The following GCN1 variants were observed in gnomAD, a reference collection of about 807,000 sequenced individuals.
GCN1 encodes the protein stalled ribosome sensor GCN1.
In GCN1, 90 loss-of-function variants were observed where a neutral mutation model predicts 288.4. That is an observed-to-expected ratio of 0.31 (90% CI 0.26 to 0.37). GCN1 has a LOEUF of 0.37. Ranked by LOEUF, GCN1 falls within the 10% of genes least tolerant of loss-of-function variation. The probability of loss-of-function intolerance (pLI) is 1.00; values close to 1 mark genes in which losing one functional copy is unlikely to be tolerated. For missense variants in GCN1, 2,586 were observed against 3,419.9 expected, an observed-to-expected ratio of 0.76 and a Z score of 6.08; for synonymous variants, 1,386 against 1,420.2, an observed-to-expected ratio of 0.98 and a Z score of 0.54.
At chr12:120,136,791 C>T in intron 50 of GCN1, 59 bp from the exon 51 acceptor site, 1 of 1,283,970 alleles carries the variant, frequency 7.8e-7, no homozygotes, top group Non-Finnish European at 1.1e-6. Context: ...CTGGTGTCTC[C>T]CATGCAAGCA....
Position 120,137,577 on chromosome 12 carries a change from C to T in GCN1, c.6631G>A (p.Glu2211Lys). 6.2e-7 allele frequency: 1 copy of T among 1,614,184 alleles called. No homozygotes were observed. The highest frequency in any genetic ancestry group is 1.3e-5 in the African/African-American group (1 of 75,038). The change falls in exon 49 of 58, where the codon GAG becomes AAG. Residue 2211 changes from glutamate (E) to lysine (K), a missense_variant. Coordinates refer to ENST00000300648, the MANE Select transcript of GCN1 (RefSeq NM_006836.2). This position sits in a 1 kb window ranked among gnomAD's most constrained non-coding sequence, Gnocchi z 5.2. Reference protein sequence around the residue: ...FNDSSPVVLEESWDALNAITK... With the variant: ...FNDSSPVVLEKSWDALNAITK... ...ATGGCATTTAGGGCATCCCAGCTCT[C>T]CTCCAGAACCACAGGGCTGGAGTCA...
intron 2 of GCN1, among the ~76,000 whole-genome samples, chr12:120,185,142 C>G (rs1878781372): frequency 1.3e-5 from 2 of 152,188 alleles, no homozygotes; most frequent in Non-Finnish European, 2.9e-5. Context: ...CACATGCCAT[C>G]AAGAGGAGGT....
chr12:120,187,590 T>C (rs12305184), intron 2 of GCN1, among the ~76,000 whole-genome samples: 31,708 of 151,760 alleles, frequency 0.21, 3,988 homozygotes, highest in East Asian at 0.55. Flanking sequence ...TGCTGGGTTC[T>C]GTGCCCAAAC....
chr12:120,173,071 T>C (rs1168706060), intron 14 of GCN1, among the ~76,000 whole-genome samples: 1 of 151,134 alleles, frequency 6.6e-6, no homozygotes, highest in African/African-American at 2.4e-5. Context: ...TTTTTTTTTT[T>C]TTTTCCAAGA....
chr12:120,127,608 A>G lies in GCN1; in HGVS notation c.*241T>C, dbSNP rs1876658347. ...CTGGACAAACAGCTCCTGGGCTGCC[A>G]TTTGCTGAGGCGCATGCGTGTGCTT... On this transcript the variant is annotated 3_prime_UTR_variant, in exon 58 of 58. Transcript: ENST00000300648. 2.2e-6 allele frequency: 1 copy of G among 460,338 alleles called. No individual in the cohort carries two copies. The highest frequency in any genetic ancestry group is 4.0e-6 in the Non-Finnish European group (1 of 251,766). The allele number at this position is 460,338 out of a possible 1,614,324, so 28.5% of individuals were successfully genotyped here. A position where few individuals can be genotyped will look rare whatever the true frequency, so the allele number is the denominator to read the frequency against.
Position 120,155,423 on chromosome 12 carries a change from A to T in GCN1, c.3448T>A (p.Ser1150Thr). 6.2e-7 allele frequency: 1 copy of T among 1,613,590 alleles called. No individual in the cohort carries two copies. The highest frequency in any genetic ancestry group is 8.5e-7 in the Non-Finnish European group (1 of 1,179,822). Residue 1150 changes from serine to threonine, a missense_variant, in exon 30 of 58, where the codon TCA (serine) becomes ACA (threonine). Ser to Thr is a moderately conservative substitution (Grantham distance 58, BLOSUM62 1). Coordinates refer to ENST00000300648, the MANE Select transcript of GCN1 (RefSeq NM_006836.2). The surrounding 1 kb of genome is among the most constrained non-coding windows in gnomAD (Gnocchi z 4.9). ...GGCTGCAGGTCTAGGCCCATCATTG[A>T]CCAGAGCCTGTGGGAGATCCAAGGC... ...EIRKLAERLW[S>T]MMGLDLQPDL... is the part of the protein sequence containing the mutation.
rs753481090 is a variant in GCN1, at chr12:120,137,700, C to T, written c.6508G>A (p.Ala2170Thr). 3.7e-6 allele frequency: 6 copies of T among 1,614,188 alleles called. No homozygotes were observed. The South Asian group carries it at 6.6e-5, about 18-fold the overall frequency. Reference sequence around the variant, plus strand: ...TAGATGTTGAGGATGATGGCAGCAGCTTGCCTCATGCCCACCTCAGGGCTG... The same window carrying T: ...TAGATGTTGAGGATGATGGCAGCAGTTTGCCTCATGCCCACCTCAGGGCTG... ...TRSPEVGMRQ[A>T]AAIILNIYCS... Residue 2170 changes from alanine to threonine, a missense_variant, in exon 49 of 58, where the codon GCT becomes ACT. Physicochemically the swap from Ala to Thr is moderately conservative, Grantham distance 58. Around this residue, in one of 8 missense-constraint regions of GCN1, gnomAD observed 437 missense variants for 570.5 expected, o/e 0.77. Transcript: ENST00000300648. This position sits in a 1 kb window ranked among gnomAD's most constrained non-coding sequence, Gnocchi z 5.2.
Position 120,168,227 on chromosome 12 carries a change from C to A in GCN1, c.1593G>T (p.Leu531=), listed in dbSNP as rs776436116. ...ACTTACCATCCTCTGAAGCCATGAC[C>A]AGGAATTTCTCAGAAGTGAAAACCT... is the stretch of plus-strand genomic sequence containing the variant. ...KKQVFTSEKF[L]VMASEDALCT... The change falls in exon 16 of 58, where the codon CTG becomes CTT. Residue 531 remains leucine (L), a synonymous_variant. Transcript: ENST00000300648. 2 of 1,587,268 alleles carry A rather than the reference C, an allele frequency of 1.3e-6. No individual in the cohort carries two copies. Among genetic ancestry groups the A allele is most frequent in the African/African-American group, 2.7e-5 (2 of 74,318 alleles).
Position 120,138,397 on chromosome 12 carries a change from C to CT in GCN1, c.6174dup (p.Glu2059ArgfsTer14). On this transcript the variant is annotated frameshift_variant, in exon 47 of 58. Transcript: ENST00000300648. LOFTEE classifies it high-confidence loss of function. ...TGCTTCAGACCATCCAAGGCAAACT[C>CT]TGACACCTCCTCGTCATCCTGCAGA... 6.2e-7 allele frequency: 1 copy of CT among 1,606,898 alleles called. No homozygotes were observed. Among genetic ancestry groups the CT allele is most frequent in the Non-Finnish European group, 8.5e-7 (1 of 1,173,412 alleles).
rs1400148650 is a variant in GCN1, at chr12:120,193,564, C to A, written c.18+1116G>T. Among the ~76,000 whole-genome samples the A allele has an allele frequency of 5.9e-5, 9 of 152,276 alleles. No individual in the cohort carries two copies. The East Asian group carries it at 1.7e-3, about 29-fold the overall frequency. On this transcript the variant is annotated intron_variant, in intron 1 of 57. Coordinates refer to ENST00000300648, the MANE Select transcript of GCN1 (RefSeq NM_006836.2). ...AACTGATCCACCCGCCTTGGCCTCC[C>A]AAAGTGCTGGGATTACAGGGTGAGC...
intron 2 of GCN1, among the ~76,000 whole-genome samples, chr12:120,185,310 T>C (rs905328482): frequency 6.6e-6 from 1 of 152,090 alleles, no homozygotes; most frequent in African/African-American, 2.4e-5. Flanking sequence ...TGAAGTACTA[T>C]GAGGGACCAG....
At chr12:120,165,589 T>C (rs1473872581) in intron 16 of GCN1, among the ~76,000 whole-genome samples, 2 of 152,004 alleles carry the variant, frequency 1.3e-5, no homozygotes, top group Admixed American at 1.3e-4. Flanking sequence ...TGCCTCAGCC[T>C]CCTGAGTAGC....
In GCN1 at chr12:120,159,781, G is replaced by A. The variant is rs771919268; in HGVS notation, c.2749+44C>T. Reference sequence around the variant, plus strand: ...GGGCACACCCTGTCCAAGCACTCAGGGGCACCCCTGGGCCATCCCTGCAGC... The same window carrying A: ...GGGCACACCCTGTCCAAGCACTCAGAGGCACCCCTGGGCCATCCCTGCAGC... On this transcript the variant is annotated intron_variant, in intron 24 of 57. Transcript: ENST00000300648. 9.6e-6 allele frequency: 15 copies of A among 1,557,756 alleles called. No homozygotes were observed. The East Asian group carries it at 2.5e-4, about 26-fold the overall frequency.
rs779915142 is a variant in GCN1 at position 120,137,194 on chromosome 12, G to T, written c.6777+12C>A. ...GCACGCCCACAGCCCCCTGCACGAGGCCCTGGCTTACCTTCTTCGGGAGGC... is the reference window on the plus strand; with the variant it reads ...GCACGCCCACAGCCCCCTGCACGAGTCCCTGGCTTACCTTCTTCGGGAGGC... On this transcript the variant is annotated intron_variant, in intron 50 of 57. Transcript: ENST00000300648. The surrounding 1 kb of genome is among the most constrained non-coding windows in gnomAD (Gnocchi z 5.2). The T allele has an allele frequency of 8.1e-6, 13 of 1,595,162 alleles. No homozygotes were observed. The highest frequency in any genetic ancestry group is 1.3e-5 in the African/African-American group (1 of 74,658).
At position 120,134,873 on chromosome 12, in the gene GCN1, A is replaced by G; in HGVS notation, c.7009-147T>C. The G allele has an allele frequency of 3.0e-6, 2 of 675,424 alleles. No homozygotes were observed. Among genetic ancestry groups the G allele is most frequent in the Admixed American group, 5.3e-5 (2 of 37,752 alleles). 41.8% of individuals were successfully genotyped at this position (675,424 alleles called of 1,614,324 possible). ...GCTGGGGACAGATAGCCCGTCAGAG[A>G]GGCCAAACACAGACAGGTTTCGCTT... On this transcript the variant is annotated intron_variant, in intron 51 of 57. Transcript: ENST00000300648. This position sits in a 1 kb window ranked among gnomAD's most constrained non-coding sequence, Gnocchi z 5.0.
chr12:120,175,764 G>A lies in GCN1; in HGVS notation c.1024C>T (p.Leu342=). 1 of 1,612,456 alleles carries A rather than the reference G, an allele frequency of 6.2e-7. No homozygotes were observed. The highest frequency in any genetic ancestry group is 8.5e-7 in the Non-Finnish European group (1 of 1,179,420). ...TGCTCACCTCCGAGGATAGCAAATA[G>A]GTGCTTGGTCAGGGATTCCATGGCC... is the stretch of plus-strand genomic sequence containing the variant. ...SSAMESLTKH[L]FAILGGSEGK... The change falls in exon 11 of 58, where the codon CTA becomes TTA. Residue 342 remains leucine, a synonymous_variant. Transcript: ENST00000300648.
rs754136184 is a variant in GCN1, at chr12:120,137,241, C to T, written c.6742G>A (p.Gly2248Ser). 1.2e-6 allele frequency: 2 copies of T among 1,614,188 alleles called. No homozygotes were observed. The highest frequency in any genetic ancestry group is 2.2e-5 in the East Asian group (1 of 44,878). Reference protein sequence around the residue: ...EIRLIGNESKGEHVPGFCLPK... With the variant: ...EIRLIGNESKSEHVPGFCLPK... Reference sequence around the variant, plus strand: ...AGGCAGAATCCTGGCACATGCTCGCCTTTGCTCTCGTTCCCTATGAGCCGG... The same window carrying T: ...AGGCAGAATCCTGGCACATGCTCGCTTTTGCTCTCGTTCCCTATGAGCCGG... Residue 2248 changes from glycine (G) to serine (S), a missense_variant, in exon 50 of 58, where the codon GGC becomes AGC. This residue lies in a region of GCN1 where 437 missense variants were observed against 570.5 expected (regional missense o/e 0.77). Transcript: ENST00000300648. This position sits in a 1 kb window ranked among gnomAD's most constrained non-coding sequence, Gnocchi z 5.2.
At chr12:120,178,024 G>A (rs1315050848) in intron 7 of GCN1, among the ~76,000 whole-genome samples, 2 of 151,972 alleles carry the variant, frequency 1.3e-5, no homozygotes, top group Admixed American at 1.3e-4. Flanking sequence ...ACCCATTCCT[G>A]CCACTCCAAC....
Position 120,127,935 on chromosome 12 carries a change from G to A in GCN1, c.7930C>T (p.Leu2644=), listed in dbSNP as rs1310502454. Residue 2644 remains leucine, a synonymous_variant, in exon 58 of 58, where the codon CTG becomes TTG. Coordinates refer to ENST00000300648, the MANE Select transcript of GCN1 (RefSeq NM_006836.2). ...AGGGACCTTCGGTTAACCTCGTTCA[G>A]CACCTCCAAACTGGCCACATCCAGG... ...KILDVASLEV[L]NEVNRRSLKK... 3.7e-6 allele frequency: 6 copies of A among 1,614,032 alleles called. No homozygotes were observed. Among genetic ancestry groups the A allele is most frequent in the Non-Finnish European group, 5.1e-6 (6 of 1,179,874 alleles).
Sources: allele counts gnomAD v4.1 joint callset (sites outside exome capture counted in the v4.1 genomes callset), GRCh38; gene constraint gnomAD v4.1.1; regional missense constraint gnomAD v4.1.1; non-coding constraint Gnocchi (gnomAD v3.1); transcripts MANE v1.5; gene names NCBI Gene and HGNC (gene_info 2026-07-23, HGNC 2026-07-21).